Variants in SCGB2B2 observed in about 807,000 individuals in gnomAD.
The protein encoded by SCGB2B2 is secretoglobin-like protein.
SCGB2B2 carries 11 observed loss-of-function variants against 7.6 expected under a neutral mutation model. The ratio of observed to expected loss-of-function variants is 1.45; its 90% CI spans 0.91 to 2.40. The LOEUF is 2.40. Ranked by LOEUF, SCGB2B2 falls within the 30% of genes most tolerant of loss-of-function variation. The probability of loss-of-function intolerance (pLI) is 0.00; values close to 1 mark genes in which losing one functional copy is unlikely to be tolerated. For synonymous variants in SCGB2B2, 50 were observed against 48.6 expected (o/e 1.03, Z -0.12); for missense variants, 104 against 115.4 (o/e 0.90, Z 0.45).
At chr19:34,644,571 T>C (rs1723729822) in intron 1 of SCGB2B2, among the ~76,000 whole-genome samples, 2 of 152,108 alleles carry the variant, frequency 1.3e-5, no homozygotes, top group African/African-American at 4.8e-5. Flanking sequence ...CCTTGTAACC[T>C]CTCTTCTACT....
rs1568427116 is a variant in SCGB2B2, at chr19:34,594,700, T to TGA, written c.-138_-137insTC. On this transcript the variant is annotated 5_prime_UTR_variant, in exon 2 of 4. An upstream open reading frame in the 5' UTR loses its in-frame stop. Coordinates refer to ENST00000601241, the MANE Select transcript of SCGB2B2 (RefSeq NM_001025591.4). The stretch of plus-strand genomic sequence containing the variant: ...GTGTGTGTGTGTGTGTGTGTGTGTG[T>TGA]GTGAATGTGGTCAGGGCAGGTCTGC... 1.5e-5 allele frequency: 9 copies of TGA among 605,620 alleles called. No individual in the cohort carries two copies. The African/African-American group carries it at 1.7e-4, about 12-fold the overall frequency. 37.5% of individuals were successfully genotyped at this position (605,620 alleles called of 1,614,324 possible). A position where few individuals can be genotyped will look rare whatever the true frequency, so the allele number is the denominator to read the frequency against.
intron 1 of SCGB2B2, among the ~76,000 whole-genome samples, chr19:34,666,483 T>G (rs372219174): frequency 6.6e-6 from 1 of 152,040 alleles, no homozygotes. Flanking sequence ...ATGCCTGCAG[T>G]GCACAGCCAC....
chr19:34,631,401 T>C (rs1022645575), intron 1 of SCGB2B2, among the ~76,000 whole-genome samples: 1 of 151,940 alleles, frequency 6.6e-6, no homozygotes, highest in Non-Finnish European at 1.5e-5. Flanking sequence ...TCTTCCACTG[T>C]GGGCCAGGGA....
chr19:34,671,685 TC>T (rs2067806901), intron 1 of SCGB2B2, among the ~76,000 whole-genome samples: 1 of 152,236 alleles, frequency 6.6e-6, no homozygotes, highest in African/African-American at 2.4e-5. Flanking sequence ...AATGTACATA[TC>T]TTGCACATCT....
At chr19:34,637,547 C>G in intron 1 of SCGB2B2, 1 of 207,476 alleles carries the variant, frequency 4.8e-6, no homozygotes. Context: ...GTGAGTCCCT[C>G]GAGCTTCAAT....
intron 1 of SCGB2B2, among the ~76,000 whole-genome samples, chr19:34,644,680 TTTC>T (rs1166747129): frequency 6.6e-6 from 1 of 152,220 alleles, no homozygotes; most frequent in African/African-American, 2.4e-5. Flanking sequence ...CTTCGTTTTA[TTTC>T]TTAAGTGTCA....
downstream of SCGB2B2, among the ~76,000 whole-genome samples, chr19:34,587,841 G>A (rs1239537780): frequency 6.6e-6 from 1 of 152,204 alleles, no homozygotes; most frequent in East Asian, 1.9e-4. Context: ...TTGTGGATCT[G>A]TGTGTCAGGA....
chr19:34,622,926 T>C (rs2066277247), intron 1 of SCGB2B2, among the ~76,000 whole-genome samples: 1 of 151,904 alleles, frequency 6.6e-6, no homozygotes, highest in African/African-American at 2.4e-5. Context: ...AGGTTTTTTT[T>C]TTTTTTTATT....
intron 1 of SCGB2B2, among the ~76,000 whole-genome samples, chr19:34,611,508 T>C (rs566695826): frequency 2.0e-5 from 3 of 152,286 alleles, no homozygotes; most frequent in Admixed American, 1.3e-4. Context: ...ATATGTTGTG[T>C]TGGTTTCATC....
At chr19:34,599,322 C>T (rs967923143) in intron 1 of SCGB2B2, among the ~76,000 whole-genome samples, 2 of 152,260 alleles carry the variant, frequency 1.3e-5, no homozygotes, top group Non-Finnish European at 2.9e-5. Context: ...CTCGCCCTTT[C>T]TCCTTCTCCC....
chr19:34,661,475 G>C (rs942126663), intron 1 of SCGB2B2, among the ~76,000 whole-genome samples: 1 of 152,106 alleles, frequency 6.6e-6, no homozygotes, highest in Non-Finnish European at 1.5e-5. Flanking sequence ...ACTGTAGAGG[G>C]CCAAAACCAG....
At chr19:34,668,298 G>GGCCCTGCCT (rs2067696565) in intron 1 of SCGB2B2, among the ~76,000 whole-genome samples, 1 of 152,168 alleles carries the variant, frequency 6.6e-6, no homozygotes, top group Non-Finnish European at 1.5e-5. Context: ...GCTGCCGGCC[G>GGCCCTGCCT]GCCCTGCCTG....
At chr19:34,662,370 A>G (rs2067482340) in intron 1 of SCGB2B2, among the ~76,000 whole-genome samples, 1 of 152,304 alleles carries the variant, frequency 6.6e-6, no homozygotes, top group South Asian at 2.1e-4. Context: ...CTCAATGGGC[A>G]ATCCAAAACA....
intron 1 of SCGB2B2, among the ~76,000 whole-genome samples, chr19:34,598,736 G>T (rs915199009): frequency 5.3e-5 from 8 of 150,820 alleles, no homozygotes; most frequent in Admixed American, 4.7e-4. Context: ...TCCGTGCCCT[G>T]GCCTCTCTGT....
At chr19:34,632,029 ATGT>A (rs2145953584) in intron 1 of SCGB2B2, 1 of 152,278 alleles carries the variant, frequency 6.6e-6, no homozygotes, top group South Asian at 2.1e-4. Context: ...TTTTAAAGAA[ATGT>A]TGTTGAATGA....
intron 1 of SCGB2B2, among the ~76,000 whole-genome samples, chr19:34,627,216 C>G (rs1054756816): frequency 2.6e-5 from 4 of 152,172 alleles, no homozygotes; most frequent in Non-Finnish European, 5.9e-5. Flanking sequence ...ATCAAAATAA[C>G]CAGCTAACAT....
chr19:34,649,935 GTTC>G lies in SCGB2B2; in HGVS notation c.-2032+25692_-2032+25694del, dbSNP rs746058771. Among the ~76,000 whole-genome samples, 5 of 151,070 alleles carry G rather than the reference GTTC, an allele frequency of 3.3e-5. 1 individual carries two copies. Among genetic ancestry groups the G allele is most frequent in the African/African-American group, 7.4e-5 (3 of 40,466 alleles). ...GGGTGATTCCAATGCCTGACCATCT[GTTC>G]TTCTTCTTCAAGTCAAGGGTGAACC... On this transcript the variant is annotated intron_variant, in intron 1 of 3. Coordinates refer to ENST00000601241, the MANE Select transcript of SCGB2B2 (RefSeq NM_001025591.4).
intron 1 of SCGB2B2, among the ~76,000 whole-genome samples, chr19:34,645,226 C>T (rs1051438097): frequency 6.6e-6 from 1 of 152,120 alleles, no homozygotes; most frequent in Admixed American, 6.5e-5. Flanking sequence ...AGATTCTGAT[C>T]TAGGGGATGC....
At chr19:34,641,548 G>GT (rs1446360463) in intron 1 of SCGB2B2, among the ~76,000 whole-genome samples, 2 of 152,166 alleles carry the variant, frequency 1.3e-5, no homozygotes, top group African/African-American at 4.8e-5. Context: ...CTGGTTTGGA[G>GT]TTTCGTTTTG....
Sources: allele counts gnomAD v4.1 joint callset (sites outside exome capture counted in the v4.1 genomes callset), GRCh38; gene constraint gnomAD v4.1.1; transcripts MANE v1.5; gene names NCBI Gene and HGNC (gene_info 2026-07-23, HGNC 2026-07-21).